The following TMEM150C variants were observed in gnomAD, a reference collection of about 807,000 sequenced individuals.
TMEM150C encodes the protein transmembrane protein 150C.
TMEM150C carries 10 observed loss-of-function variants against 29.9 expected under a neutral mutation model. The ratio of observed to expected loss-of-function variants is 0.33; its 90% CI spans 0.21 to 0.57. The LOEUF is 0.57. TMEM150C is among the 20% of genes least tolerant of loss of function. TMEM150C has a pLI of 0.88. For missense variants in TMEM150C, 251 were observed against 303.6 expected, an observed-to-expected ratio of 0.83 and a Z score of 1.29; for synonymous variants, 101 against 112.5, an observed-to-expected ratio of 0.90 and a Z score of 0.64.
At chr4:82,511,197 G>A (rs1724111163) in intron 1 of TMEM150C, among the ~76,000 whole-genome samples, 1 of 152,160 alleles carries the variant, frequency 6.6e-6, no homozygotes, top group Non-Finnish European at 1.5e-5. Flanking sequence ...TTCAATTAAT[G>A]AGGCCAATCC....
intron 1 of TMEM150C, among the ~76,000 whole-genome samples, chr4:82,504,955 A>G (rs1048401840): frequency 5.9e-5 from 9 of 152,126 alleles, no homozygotes; most frequent in Admixed American, 1.3e-4. Flanking sequence ...GCGTGAACCT[A>G]GGAGGCGGAG....
intron 1 of TMEM150C, among the ~76,000 whole-genome samples, chr4:82,550,304 C>A (rs1725528980): frequency 6.6e-6 from 1 of 152,182 alleles, no homozygotes; most frequent in South Asian, 2.1e-4. Context: ...GCCTGCTTCC[C>A]CTTCTGCCAT....
At chr4:82,530,415 G>C (rs1313296823) in intron 1 of TMEM150C, among the ~76,000 whole-genome samples, 6 of 152,196 alleles carry the variant, frequency 3.9e-5, no homozygotes, top group Non-Finnish European at 1.5e-5. Flanking sequence ...AAATTAGCCG[G>C]GTGTGGTGGC....
At chr4:82,557,734 CTTTTTTTTTTT>C (rs767919077) in intron 1 of TMEM150C, among the ~76,000 whole-genome samples, 1 of 131,376 alleles carries the variant, frequency 7.6e-6, no homozygotes, top group African/African-American at 2.9e-5. Context: ...TTTTCTTTTT[CTTTTTTTTTTT>C]TTTTTTGATA....
intron 6 of TMEM150C, among the ~76,000 whole-genome samples, chr4:82,494,075 A>G (rs188969509): frequency 2.4e-4 from 37 of 152,366 alleles, no homozygotes. Context: ...CATTAGGAAC[A>G]TTACTAAATG....
intron 4 of TMEM150C, 34 bp from the exon 5 acceptor site, chr4:82,502,828 A>T: frequency 6.3e-7 from 1 of 1,587,770 alleles, no homozygotes; most frequent in Non-Finnish European, 8.6e-7. Flanking sequence ...TAGTTACTAT[A>T]TCAAAATCTA....
chr4:82,528,138 G>A (rs1017973227), intron 1 of TMEM150C, among the ~76,000 whole-genome samples: 1 of 152,184 alleles, frequency 6.6e-6, no homozygotes, highest in Non-Finnish European at 1.5e-5. Context: ...CATGAATAAA[G>A]TACTACAGGA....
At chr4:82,501,885 C>A (rs1723747750) in intron 5 of TMEM150C, among the ~76,000 whole-genome samples, 2 of 152,166 alleles carry the variant, frequency 1.3e-5, no homozygotes, top group South Asian at 4.1e-4. Flanking sequence ...AATAATACTA[C>A]CTCTTACTTG....
chr4:82,518,260 G>A (rs956593161), intron 1 of TMEM150C, among the ~76,000 whole-genome samples: 6 of 151,866 alleles, frequency 4.0e-5, no homozygotes, highest in Admixed American at 2.6e-4. Context: ...AGCTTGAAGT[G>A]AGCCGAGATC....
chr4:82,493,451 TA>T (rs1723436484), intron 6 of TMEM150C, among the ~76,000 whole-genome samples: 1 of 152,328 alleles, frequency 6.6e-6, no homozygotes, highest in South Asian at 2.1e-4. Flanking sequence ...TGCCGTCCCA[TA>T]TACTAGCCAC....
chr4:82,554,892 C>T (rs1725692906), intron 1 of TMEM150C, among the ~76,000 whole-genome samples: 1 of 152,132 alleles, frequency 6.6e-6, no homozygotes, highest in African/African-American at 2.4e-5. Flanking sequence ...GATCACTGTC[C>T]TCAGAGATGG....
chr4:82,493,924 A>ATAAC (rs1413900656), intron 6 of TMEM150C, among the ~76,000 whole-genome samples: 1 of 152,216 alleles, frequency 6.6e-6, no homozygotes, highest in African/African-American at 2.4e-5. Context: ...TTGCCCATTT[A>ATAAC]TAACTCACCA....
At chr4:82,528,321 C>T (rs1305102551) in intron 1 of TMEM150C, among the ~76,000 whole-genome samples, 1 of 152,108 alleles carries the variant, frequency 6.6e-6, no homozygotes, top group Non-Finnish European at 1.5e-5. Context: ...AATTGCTGGG[C>T]CCCACCTCTG....
At chr4:82,504,713 C>T (rs1265209300) in intron 1 of TMEM150C, 46 bp from the exon 2 acceptor site, 1 of 1,494,644 alleles carries the variant, frequency 6.7e-7, no homozygotes. Flanking sequence ...AAAACATTTA[C>T]TTCACTCTTT....
intron 1 of TMEM150C, among the ~76,000 whole-genome samples, chr4:82,533,630 A>G (rs961186143): frequency 1.3e-5 from 2 of 152,190 alleles, no homozygotes; most frequent in East Asian, 3.8e-4. Context: ...CTGCAGAAAG[A>G]TCTCTTTTAA....
chr4:82,485,790 C>G (rs993447563), intron 7 of TMEM150C, 71 bp from the exon 8 acceptor site: 8 of 1,398,674 alleles, frequency 5.7e-6, no homozygotes, highest in East Asian at 5.0e-5. Context: ...AGGGCAGAGA[C>G]AGATTATAGG....
chr4:82,559,318 G>T (rs889432790), intron 1 of TMEM150C, among the ~76,000 whole-genome samples: 6 of 151,786 alleles, frequency 4.0e-5, no homozygotes, highest in Non-Finnish European at 7.4e-5. Context: ...GCCGAGGCGG[G>T]TGGCTCAATT....
Position 82,531,704 on chromosome 4 carries a change from G to A in TMEM150C, c.-10-27037C>T, listed in dbSNP as rs137934883. On this transcript the variant is annotated intron_variant, in intron 1 of 7. Coordinates refer to ENST00000449862, the MANE Select transcript of TMEM150C (RefSeq NM_001080506.3). ...CGGGAGGTGGAGGTTGTAGTGAGCC[G>A]AGATTGCACCATTGCACTCCAGCCT... 5.1e-3 allele frequency among the ~76,000 whole-genome samples: 712 copies of A among 138,460 alleles called. 11 individuals carry two copies. The highest frequency in any genetic ancestry group is 0.018 in the African/African-American group (666 of 37,036). The allele number at this position is 138,460 out of a possible 152,430, so 90.8% of individuals were successfully genotyped here. A position where few individuals can be genotyped will look rare whatever the true frequency, so the allele number is the denominator to read the frequency against.
intron 5 of TMEM150C, among the ~76,000 whole-genome samples, chr4:82,501,186 G>A (rs1723725313): frequency 6.6e-6 from 1 of 152,200 alleles, no homozygotes; most frequent in African/African-American, 2.4e-5. Context: ...TCAGAAGAAT[G>A]GTGTCAAGAG....
Sources: gnomAD v4.1 joint callset for allele counts (sites outside exome capture counted in the v4.1 genomes callset) on GRCh38, gnomAD v4.1.1 for gene constraint, MANE v1.5 for transcripts, NCBI Gene and HGNC (gene_info 2026-07-23, HGNC 2026-07-21) for gene names.